CACNA1E: variants seen among roughly 807,000 people sequenced by gnomAD.
CACNA1E encodes calcium voltage-gated channel subunit alpha1 E.
CACNA1E carries 40 observed loss-of-function variants against 259.2 expected under a neutral mutation model. The ratio of observed to expected loss-of-function variants is 0.15; its 90% confidence interval spans 0.12 to 0.20. The LOEUF (loss-of-function observed/expected upper bound fraction) is 0.20, where lower values mean the gene tolerates loss of function less well. CACNA1E is among the 10% of genes least tolerant of loss of function. The pLI, the probability that CACNA1E is intolerant of heterozygous loss-of-function variation, is 1.00. For synonymous variants in CACNA1E, 1,104 were observed against 1,138.5 expected, an observed-to-expected ratio of 0.97 and a Z score of 0.61; for missense variants, 1,874 against 3,040.1, an observed-to-expected ratio of 0.62 and a Z score of 9.02.
Position 181,758,774 on chromosome 1 carries a change from G to A in CACNA1E, c.4511G>A (p.Cys1504Tyr). The A allele has an allele frequency of 1.9e-6, 3 of 1,598,134 alleles. No homozygotes were observed. The highest frequency in any genetic ancestry group is 2.6e-6 in the Non-Finnish European group (3 of 1,165,580). ...VLMMKYYSAP[C>Y]TYELALKYLN... ...TCCTGGCAGTATTATTCTGCTCCCTGTACCTATGAGCTGGCCCTGAAGTAC... is the reference window on the plus strand; with the variant it reads ...TCCTGGCAGTATTATTCTGCTCCCTATACCTATGAGCTGGCCCTGAAGTAC... The change falls in exon 32 of 48, where the codon TGT (cysteine) becomes TAT (tyrosine). Residue 1504 changes from cysteine (C) to tyrosine (Y), a missense_variant. Cys to Tyr is a radical substitution (Grantham distance 194). Coordinates refer to ENST00000367573, the MANE Select transcript of CACNA1E (RefSeq NM_001205293.3). This position sits in a 1 kb window ranked among gnomAD's most constrained non-coding sequence, Gnocchi z 4.2.
intron 18 of CACNA1E, among the ~76,000 whole-genome samples, chr1:181,728,056 G>A (rs1216414013): frequency 1.3e-5 from 2 of 152,186 alleles, no homozygotes; most frequent in Non-Finnish European, 2.9e-5. Flanking sequence ...ATAGGGAAAT[G>A]CCAAAGATTG....
intron 2 of CACNA1E, among the ~76,000 whole-genome samples, chr1:181,455,386 G>A (rs191528429): frequency 2.0e-5 from 3 of 152,314 alleles, no homozygotes. Flanking sequence ...AATGTGGAGA[G>A]GTTTGGGGAG....
chr1:181,407,593 TAG>T (rs773595136), intron 1 of CACNA1E, among the ~76,000 whole-genome samples: 5 of 152,172 alleles, frequency 3.3e-5, no homozygotes, highest in Non-Finnish European at 7.3e-5. Flanking sequence ...TGATGTACAT[TAG>T]AGATTGAGAA....
In CACNA1E at chr1:181,799,851, G is replaced by C. The variant is rs76830383; in HGVS notation, c.*1017G>C. The C allele has an allele frequency of 0.028, 4,248 of 152,308 alleles. 185 individuals are homozygous for C. Among genetic ancestry groups the C allele is most frequent in the African/African-American group, 0.095 (3,922 of 41,500 alleles). 9.4% of individuals were successfully genotyped at this position (152,308 alleles called of 1,614,324 possible). A position where few individuals can be genotyped will look rare whatever the true frequency, so the allele number is the denominator to read the frequency against. The stretch of plus-strand genomic sequence containing the variant: ...CCAGTGTGGAAGCAATTAAATATGC[G>C]TAACAGTGCTACGGCCACACCAGCA... On this transcript the variant is annotated 3_prime_UTR_variant, in exon 48 of 48. Coordinates refer to ENST00000367573, the MANE Select transcript of CACNA1E (RefSeq NM_001205293.3).
chr1:181,481,059 C>T (rs1313228257), upstream of CACNA1E, among the ~76,000 whole-genome samples: 1 of 152,094 alleles, frequency 6.6e-6, no homozygotes, highest in Non-Finnish European at 1.5e-5. Flanking sequence ...TTCTAAGTGA[C>T]TGGCTGATGG....
intron 3 of CACNA1E, among the ~76,000 whole-genome samples, chr1:181,546,465 C>T (rs1228778513): frequency 6.6e-6 from 1 of 152,162 alleles, no homozygotes; most frequent in East Asian, 1.9e-4. Context: ...TGCCCTTGAG[C>T]TCTTCATAAA....
intron 3 of CACNA1E, among the ~76,000 whole-genome samples, chr1:181,521,319 G>C (rs1489944031): frequency 6.6e-6 from 1 of 152,190 alleles, no homozygotes; most frequent in Non-Finnish European, 1.5e-5. Context: ...CCTAGTCCAG[G>C]TTGGCATGAC....
chr1:181,426,997 C>T (rs769919051), intron 2 of CACNA1E, among the ~76,000 whole-genome samples: 9 of 150,078 alleles, frequency 6.0e-5, no homozygotes, highest in Non-Finnish European at 1.0e-4. Context: ...CCCATCTCAG[C>T]CCCTTCCCAC....
chr1:181,595,009 A>G (rs1158872484), intron 6 of CACNA1E, among the ~76,000 whole-genome samples: 1 of 152,244 alleles, frequency 6.6e-6, no homozygotes, highest in Non-Finnish European at 1.5e-5. Context: ...TTTGACAGAT[A>G]CAGTCAATGG....
At chr1:181,568,348 A>C (rs989678439) in intron 3 of CACNA1E, among the ~76,000 whole-genome samples, 1 of 152,180 alleles carries the variant, frequency 6.6e-6, no homozygotes, top group Non-Finnish European at 1.5e-5. Flanking sequence ...GTTTAGGTAC[A>C]GAGACCAAGG....
intron 32 of CACNA1E, among the ~76,000 whole-genome samples, chr1:181,760,652 AT>A (rs1453760867): frequency 6.6e-6 from 1 of 152,248 alleles, no homozygotes; most frequent in Admixed American, 6.5e-5. Flanking sequence ...CTCCATAACA[AT>A]ATATTAAATA....
chr1:181,686,574 A>T (rs1185977977), intron 7 of CACNA1E, among the ~76,000 whole-genome samples: 1 of 152,200 alleles, frequency 6.6e-6, no homozygotes. Context: ...GGTGTGAGCC[A>T]CTGCGCCTGG....
intron 1 of CACNA1E, among the ~76,000 whole-genome samples, chr1:181,370,402 G>T (rs1027574879): frequency 3.3e-5 from 5 of 151,694 alleles, no homozygotes; most frequent in African/African-American, 4.8e-5. Flanking sequence ...AGTGAGCATG[G>T]TACCTGATTC....
chr1:181,781,282 G>A, intron 38 of CACNA1E, 145 bp from the exon 39 acceptor site: 1 of 610,076 alleles, frequency 1.6e-6, no homozygotes, highest in Non-Finnish European at 3.0e-6. Flanking sequence ...CCTGTTTTCT[G>A]TATTTTGTTC....
intron 18 of CACNA1E, among the ~76,000 whole-genome samples, chr1:181,728,821 GTA>G (rs1558314338): frequency 6.6e-6 from 1 of 151,166 alleles, no homozygotes; most frequent in Non-Finnish European, 1.5e-5. Flanking sequence ...TCGCTCAGGT[GTA>G]TGTACCCTGC....
chr1:181,600,183 C>T (rs1030709854), intron 6 of CACNA1E, among the ~76,000 whole-genome samples: 3 of 152,102 alleles, frequency 2.0e-5, no homozygotes, highest in African/African-American at 7.2e-5. Context: ...CCAGCAAGTG[C>T]AGGGACCCAA....
intron 7 of CACNA1E, among the ~76,000 whole-genome samples, chr1:181,676,928 T>C (rs1421255673): frequency 6.6e-6 from 1 of 152,236 alleles, no homozygotes; most frequent in Non-Finnish European, 1.5e-5. Flanking sequence ...AAGAACTTCC[T>C]CCAGAAAACA....
At chr1:181,550,029 ATGTG>A (rs1472069854) in intron 3 of CACNA1E, among the ~76,000 whole-genome samples, 2 of 152,094 alleles carry the variant, frequency 1.3e-5, no homozygotes, top group Non-Finnish European at 2.9e-5. Context: ...ATGGTGGTAC[ATGTG>A]TGTGTTGGGG....
chr1:181,356,445 C>T (rs1350267350), intron 1 of CACNA1E, among the ~76,000 whole-genome samples: 1 of 152,142 alleles, frequency 6.6e-6, no homozygotes, highest in African/African-American at 2.4e-5. Context: ...TTCCCCTTCC[C>T]CTAGTTTAAT....
Sources: gnomAD v4.1 joint callset for allele counts (sites outside exome capture counted in the v4.1 genomes callset) on GRCh38, gnomAD v4.1.1 for gene constraint, Gnocchi (gnomAD v3.1) non-coding constraint, MANE v1.5 for transcripts, NCBI Gene and HGNC (gene_info 2026-07-23, HGNC 2026-07-21) for gene names.